Variants in BAALC observed in about 807,000 individuals in gnomAD.
BAALC encodes brain and acute leukemia cytoplasmic protein.
BAALC carries 9 observed loss-of-function variants against 15.5 expected under a neutral mutation model. The observed-to-expected ratio is 0.58, with a 90% CI of 0.35 to 1.02. BAALC has a LOEUF of 1.02. Ranked by LOEUF, BAALC falls within the 50% of genes least tolerant of loss-of-function variation. BAALC has a pLI of 0.02. For missense variants in BAALC, 201 were observed against 192.4 expected, an observed-to-expected ratio of 1.04 and a Z score of -0.27; for synonymous variants, 80 against 74.6, an observed-to-expected ratio of 1.07 and a Z score of -0.37.
chr8:103,193,243 T>G (rs763725311), intron 1 of BAALC, among the ~76,000 whole-genome samples: 3 of 152,234 alleles, frequency 2.0e-5, no homozygotes, highest in Non-Finnish European at 4.4e-5. Flanking sequence ...CAGACCCTGA[T>G]AGAGCAGCAA....
rs3041488 is a variant in BAALC at position 103,171,231 on chromosome 8, CAGAAAGAA to C, written c.160+30181_160+30188del. 3.7e-3 allele frequency among the ~76,000 whole-genome samples: 461 copies of C among 125,736 alleles called. 3 individuals are homozygous for C. Among genetic ancestry groups the C allele is most frequent in the African/African-American group, 0.011 (380 of 34,756 alleles). 82.5% of individuals were successfully genotyped at this position (125,736 alleles called of 152,430 possible). ...AGAGAGAGAAAGAAGCAAGGAAGGACAGAAAGAAAGAAAGGAAGGAAGGAAGAAAGGAA... is the reference window on the plus strand; with the variant it reads ...AGAGAGAGAAAGAAGCAAGGAAGGACAGAAAGGAAGGAAGGAAGAAAGGAA... On this transcript the variant is annotated intron_variant, in intron 1 of 2. Coordinates refer to ENST00000309982, the MANE Select transcript of BAALC (RefSeq NM_024812.3).
At chr8:103,180,704 TG>T (rs1811707423) in intron 1 of BAALC, among the ~76,000 whole-genome samples, 1 of 152,178 alleles carries the variant, frequency 6.6e-6, no homozygotes, top group Admixed American at 6.5e-5. Context: ...GCCAGTTCTT[TG>T]GGATTCAGCA....
chr8:103,167,479 A>G (rs1184977008), intron 1 of BAALC, among the ~76,000 whole-genome samples: 3 of 152,352 alleles, frequency 2.0e-5, no homozygotes, highest in Admixed American at 1.3e-4. Flanking sequence ...AGCATAGCCC[A>G]GTAGAGCTGG....
chr8:103,187,705 G>T (rs1811874183), intron 1 of BAALC, among the ~76,000 whole-genome samples: 1 of 152,166 alleles, frequency 6.6e-6, no homozygotes, highest in African/African-American at 2.4e-5. Context: ...GACCTCTGGG[G>T]CTTGGCTTAT....
At chr8:103,196,789 G>A (rs28566705) in intron 1 of BAALC, among the ~76,000 whole-genome samples, 12,734 of 152,170 alleles carry the variant, frequency 0.084, 575 homozygotes, top group African/African-American at 0.11. Context: ...ACCAACACCA[G>A]CTGGCTGTAT....
At position 103,229,502 on chromosome 8, in the gene BAALC, C is replaced by T. The variant is rs1342864259; in HGVS notation, c.*1403C>T. 6.6e-6 allele frequency: 1 copy of T among 152,160 alleles called. No individual in the cohort carries two copies. The highest frequency in any genetic ancestry group is 1.5e-5 in the Non-Finnish European group (1 of 68,034). The allele number at this position is 152,160 out of a possible 1,614,324, so 9.4% of individuals were successfully genotyped here. A position where few individuals can be genotyped will look rare whatever the true frequency, so the allele number is the denominator to read the frequency against. ...ATTTTTCCTTCCTTCCTTCCATTGG[C>T]AGATTGTATATTTATTCACAAAACA... On this transcript the variant is annotated 3_prime_UTR_variant, in exon 3 of 3. Transcript: ENST00000309982.
At chr8:103,213,280 T>C in intron 2 of BAALC, 195 bp downstream of exon 2, 1 of 573,346 alleles carries the variant, frequency 1.7e-6, no homozygotes. Context: ...GTTGCTGCTT[T>C]TTGTTTCCAT....
At chr8:103,180,000 C>T (rs1215455353) in intron 1 of BAALC, among the ~76,000 whole-genome samples, 1 of 152,126 alleles carries the variant, frequency 6.6e-6, no homozygotes, top group East Asian at 1.9e-4. Flanking sequence ...ATGTGAGGCC[C>T]AAAAGTGAAT....
intron 1 of BAALC, among the ~76,000 whole-genome samples, chr8:103,161,799 T>A (rs920939507): frequency 2.6e-5 from 4 of 152,134 alleles, no homozygotes; most frequent in African/African-American, 9.7e-5. Flanking sequence ...TTATCAAACT[T>A]AGGGATTTTT....
chr8:103,224,561 AG>A (rs1013930837), intron 2 of BAALC, among the ~76,000 whole-genome samples: 1 of 152,178 alleles, frequency 6.6e-6, no homozygotes, highest in African/African-American at 2.4e-5. Flanking sequence ...GTGGAGACCA[AG>A]TTTTGTTGTG....
At chr8:103,160,961 A>G (rs1292265589) in intron 1 of BAALC, among the ~76,000 whole-genome samples, 1 of 152,186 alleles carries the variant, frequency 6.6e-6, no homozygotes, top group African/African-American at 2.4e-5. Context: ...ACCCTCACAG[A>G]CACACCCAGG....
Position 103,213,029 on chromosome 8 carries a change from C to T in BAALC, c.271C>T (p.Gln91Ter). The change falls in exon 2 of 3, where the codon CAG (glutamine) becomes TAG (stop). Residue 91 changes from glutamine (Q) to a stop codon, truncating the protein, a stop_gained. Transcript: ENST00000309982. LOFTEE classifies it high-confidence loss of function. ...TNCETQCPNPQSLSSGPLTQK... is the reference protein window; with the variant it reads ...TNCETQCPNP ...CTGTGAGACCCAGTGCCCAAATCCC[C>T]AGAGCCTCAGCTCAGGCCCTCTGAC... is the stretch of plus-strand genomic sequence containing the variant. 6.2e-7 allele frequency: 1 copy of T among 1,614,144 alleles called. No homozygotes were observed. Among genetic ancestry groups the T allele is most frequent in the Non-Finnish European group, 8.5e-7 (1 of 1,179,990 alleles).
chr8:103,210,337 C>G (rs1364156708), intron 1 of BAALC, among the ~76,000 whole-genome samples: 1 of 152,244 alleles, frequency 6.6e-6, no homozygotes, highest in African/African-American at 2.4e-5. Flanking sequence ...TCCACTGTGA[C>G]TTTCAATGTT....
At chr8:103,190,789 C>A (rs1055741441) in intron 1 of BAALC, among the ~76,000 whole-genome samples, 11 of 152,108 alleles carry the variant, frequency 7.2e-5, no homozygotes, top group African/African-American at 2.7e-4. Flanking sequence ...CAGTTTATGC[C>A]TCTGTGAGTC....
chr8:103,190,559 T>C (rs1297402991), intron 1 of BAALC, among the ~76,000 whole-genome samples: 2 of 152,214 alleles, frequency 1.3e-5, no homozygotes, highest in Non-Finnish European at 2.9e-5. Context: ...TTATAAAGTG[T>C]TGCAATGGAA....
At chr8:103,169,514 C>T (rs1014883179) in intron 1 of BAALC, among the ~76,000 whole-genome samples, 4 of 152,116 alleles carry the variant, frequency 2.6e-5, no homozygotes, top group African/African-American at 2.4e-5. Context: ...CCATTTATGA[C>T]GTTGGGGCTT....
At chr8:103,193,998 A>C (rs541528686) in intron 1 of BAALC, among the ~76,000 whole-genome samples, 1 of 152,370 alleles carries the variant, frequency 6.6e-6, no homozygotes, top group East Asian at 1.9e-4. Flanking sequence ...CAATGAAGAA[A>C]GAAAAAGCAG....
intron 1 of BAALC, chr8:103,141,397 T>G: frequency 4.1e-6 from 1 of 241,322 alleles, no homozygotes; most frequent in Non-Finnish European, 7.9e-6. Flanking sequence ...CACCCCCTGA[T>G]CCGCCCAGGG....
intron 1 of BAALC, among the ~76,000 whole-genome samples, chr8:103,165,162 T>C (rs1811316445): frequency 6.6e-6 from 1 of 152,166 alleles, no homozygotes; most frequent in Non-Finnish European, 1.5e-5. Flanking sequence ...ACAGTTTGCA[T>C]GGTTTCATGG....
Sources: allele counts gnomAD v4.1 joint callset (sites outside exome capture counted in the v4.1 genomes callset), GRCh38; gene constraint gnomAD v4.1.1; transcripts MANE v1.5; gene names NCBI Gene and HGNC (gene_info 2026-07-23, HGNC 2026-07-21).